COL3A1: variants seen among roughly 807,000 people sequenced by gnomAD.
COL3A1 encodes the protein collagen alpha-1(III) chain.
A neutral mutation model predicts 200.9 loss-of-function variants in COL3A1; 46 were observed. That is an observed-to-expected ratio of 0.23 (90% CI 0.18 to 0.29). COL3A1 has a LOEUF of 0.29. COL3A1 is among the 10% of genes least tolerant of loss of function. The pLI is 1.00. For synonymous variants in COL3A1, 650 were observed against 628.0 expected (o/e 1.03, Z -0.52); for missense variants, 1,367 against 1,917.6 (o/e 0.71, Z 5.36).
At chr2:188,999,178 T>C in intron 29 of COL3A1, 107 bp from the exon 30 acceptor site, 1 of 1,057,178 alleles carries the variant, frequency 9.5e-7, no homozygotes, top group African/African-American at 1.6e-5. Flanking sequence ...TTCTAGATTG[T>C]TCACAATATA....
In COL3A1 at chr2:189,005,435, C is replaced by T; in HGVS notation, c.3017C>T (p.Thr1006Ile). ...CAGGGTCTTCCTGGTCTGGCTGGTA[C>T]AGCTGGTGAACCTGGAAGAGATGTG... Reference protein sequence around the residue: ...GPQGLPGLAGTAGEPGRDGNP... With the variant: ...GPQGLPGLAGIAGEPGRDGNP... Residue 1006 changes from threonine (T) to isoleucine (I), a missense_variant, in exon 41 of 51, where the codon ACA becomes ATA. This residue lies in a region of COL3A1 where 846 missense variants were observed against 1,147.9 expected (regional missense o/e 0.74). Transcript: ENST00000304636. The T allele has an allele frequency of 6.2e-7, 1 of 1,613,948 alleles. No homozygotes were observed.
At chr2:188,981,620 A>G (rs1576459315) in intron 1 of COL3A1, among the ~76,000 whole-genome samples, 1 of 151,640 alleles carries the variant, frequency 6.6e-6, no homozygotes, top group East Asian at 1.9e-4. Flanking sequence ...AAATGAAGAG[A>G]ATAATATGAG....
chr2:188,997,126 C>T (rs1688345549), intron 24 of COL3A1, 39 bp from the exon 25 acceptor site: 1 of 1,577,578 alleles, frequency 6.3e-7, no homozygotes, highest in Non-Finnish European at 8.7e-7. Context: ...TAGTTATTGC[C>T]CTTTGAGGAT....
chr2:188,979,738 G>A (rs1687910229), intron 1 of COL3A1, among the ~76,000 whole-genome samples: 2 of 151,768 alleles, frequency 1.3e-5, no homozygotes, highest in Non-Finnish European at 1.5e-5. Flanking sequence ...AAATCATATG[G>A]GACAGAGCTT....
intron 49 of COL3A1, 35 bp downstream of exon 49, chr2:189,010,400 C>T (rs756071093): frequency 1.2e-6 from 2 of 1,603,790 alleles, no homozygotes; most frequent in South Asian, 1.1e-5. Flanking sequence ...AAATAAGTCA[C>T]CTCTATATCC....
chr2:189,001,372 T>C (rs1688457997), intron 32 of COL3A1, 25 bp from the exon 33 acceptor site: 3 of 1,607,782 alleles, frequency 1.9e-6, no homozygotes, highest in African/African-American at 1.3e-5. Context: ...TCTTCAAAAT[T>C]AAAAAATATT....
rs761063254 is a variant in COL3A1 at position 188,974,463 on chromosome 2, A to G, written c.-27A>G. ...TGCTTTTCTTTTCTCCTTTTTGCAC[A>G]AAGAGTCTCATGTCTGATATTTAGA... On this transcript the variant is annotated 5_prime_UTR_variant, in exon 1 of 51. Transcript: ENST00000304636. 1.3e-6 allele frequency: 2 copies of G among 1,589,816 alleles called. No homozygotes were observed. Among genetic ancestry groups the G allele is most frequent in the Admixed American group, 1.7e-5 (1 of 59,934 alleles).
chr2:188,991,376 T>A (rs1688185070), intron 11 of COL3A1, 111 bp from the exon 12 acceptor site: 1 of 704,688 alleles, frequency 1.4e-6, no homozygotes, highest in African/African-American at 1.8e-5. Context: ...ATTGTTAAAA[T>A]GTATATCTTT....
At chr2:188,975,823 T>C (rs1198986448) in intron 1 of COL3A1, among the ~76,000 whole-genome samples, 1 of 151,748 alleles carries the variant, frequency 6.6e-6, no homozygotes, top group African/African-American at 2.4e-5. Flanking sequence ...CGCTTTGCCC[T>C]CCTCCTTATC....
rs1194647040 is a variant in COL3A1 at position 188,994,332 on chromosome 2, A to C, written c.1293A>C (p.Ala431=). ...ANGAPGLRGG[A]GEPGKNGAKG... is the part of the protein sequence containing the mutation. ...GTGCTCCTGGACTGCGAGGTGGTGC[A>C]GTAAGTTGCCTTGTTTTTTCTCTGT... Residue 431 remains alanine, a splice_region_variant and synonymous_variant, in exon 18 of 51, where the codon GCA becomes GCC. Coordinates refer to ENST00000304636, the MANE Select transcript of COL3A1 (RefSeq NM_000090.4). The surrounding 1 kb of genome is among the most constrained non-coding windows in gnomAD (Gnocchi z 4.5). 1 of 1,613,428 alleles carries C rather than the reference A, an allele frequency of 6.2e-7. No homozygotes were observed. The highest frequency in any genetic ancestry group is 1.7e-5 in the Admixed American group (1 of 60,004).
At position 189,007,517 on chromosome 2, in the gene COL3A1, T is replaced by C; in HGVS notation, c.3273T>C (p.Arg1091=). The part of the protein sequence containing the change: ...SRGAPGPQGP[R]GDKGETGERG... ...TTCTAAAGGGTCCTCAAGGCCCACG[T>C]GGTGACAAAGGTGAAACAGGTGAAC... is the stretch of plus-strand genomic sequence containing the variant. Residue 1091 remains arginine, a synonymous_variant, in exon 45 of 51, where the codon CGT becomes CGC. Coordinates refer to ENST00000304636, the MANE Select transcript of COL3A1 (RefSeq NM_000090.4). The C allele has an allele frequency of 6.2e-7, 1 of 1,613,594 alleles. No individual in the cohort carries two copies. The highest frequency in any genetic ancestry group is 8.5e-7 in the Non-Finnish European group (1 of 1,179,770).
intron 20 of COL3A1, 28 bp from the exon 21 acceptor site, chr2:188,995,018 T>A (rs1192930256): frequency 6.2e-7 from 1 of 1,612,796 alleles, no homozygotes; most frequent in Admixed American, 1.7e-5. Flanking sequence ...TCCTTTGGAC[T>A]GAAATACTTG....
chr2:188,999,854 G>A lies in COL3A1; in HGVS notation c.2242G>A (p.Gly748Ser), dbSNP rs771585795. The A allele has an allele frequency of 2.1e-5, 33 of 1,596,280 alleles. No homozygotes were observed. The highest frequency in any genetic ancestry group is 1.6e-4 in the East Asian group (7 of 44,382). Residue 748 changes from glycine to serine, a missense_variant, in exon 32 of 51, where the codon GGT becomes AGT. Gly to Ser is a moderately conservative substitution (Grantham distance 56). Around this residue, in one of 5 missense-constraint regions of COL3A1, gnomAD observed 846 missense variants for 1,147.9 expected, o/e 0.74. Transcript: ENST00000304636. ...TTTTATTTGACAGGGTGAACCAGGC[G>A]GTCCAGGTGCTGATGGTGTCCCAGG... ...GPKGDKGEPGGPGADGVPGKD... is the reference protein window; with the variant it reads ...GPKGDKGEPGSPGADGVPGKD...
At chr2:188,976,446 G>A (rs1317251486) in intron 1 of COL3A1, among the ~76,000 whole-genome samples, 1 of 152,106 alleles carries the variant, frequency 6.6e-6, no homozygotes, top group African/African-American at 2.4e-5. Context: ...GAACTGTTCA[G>A]CCTATTTTTT....
intron 42 of COL3A1, 26 bp from the exon 43 acceptor site, chr2:189,006,319 T>C: frequency 6.2e-7 from 1 of 1,614,150 alleles, no homozygotes; most frequent in African/African-American, 1.3e-5. Flanking sequence ...ATCATGTTTA[T>C]TTTGTACCTA....
intron 1 of COL3A1, among the ~76,000 whole-genome samples, chr2:188,980,190 ATTCTC>A (rs1687920072): frequency 6.6e-6 from 1 of 151,618 alleles, no homozygotes; most frequent in African/African-American, 2.4e-5. Context: ...AGTAGAATAT[ATTCTC>A]TTCAATGTTT....
intron 1 of COL3A1, among the ~76,000 whole-genome samples, chr2:188,978,874 C>G (rs1687888382): frequency 6.6e-6 from 1 of 151,420 alleles, no homozygotes; most frequent in Non-Finnish European, 1.5e-5. Flanking sequence ...GATAGCTATT[C>G]TTACATAAAT....
intron 22 of COL3A1, 103 bp from the exon 23 acceptor site, chr2:188,996,022 G>A: frequency 5.1e-6 from 6 of 1,179,580 alleles, no homozygotes; most frequent in Non-Finnish European, 7.5e-6. Context: ...CAAATCTGAG[G>A]CTTCACATGT....
chr2:188,997,260 T>C (rs1385720505), intron 25 of COL3A1, 42 bp downstream of exon 25: 47 of 1,613,198 alleles, frequency 2.9e-5, no homozygotes, highest in Non-Finnish European at 3.8e-5. Flanking sequence ...TTCTAATAGA[T>C]GCGTTCATCT....
Sources: gnomAD v4.1 joint callset for allele counts (sites outside exome capture counted in the v4.1 genomes callset) on GRCh38, gnomAD v4.1.1 for gene constraint, gnomAD v4.1.1 regional missense constraint, Gnocchi (gnomAD v3.1) non-coding constraint, MANE v1.5 for transcripts, NCBI Gene and HGNC (gene_info 2026-07-23, HGNC 2026-07-21) for gene names.